PPP2R3A: variants seen among roughly 807,000 people sequenced by gnomAD.
The protein encoded by PPP2R3A is serine/threonine-protein phosphatase 2A regulatory subunit B'' subunit alpha.
Under a neutral mutation model 106.9 loss-of-function variants are expected in PPP2R3A, and 80 were observed. The observed-to-expected ratio is 0.75, with a 90% CI of 0.62 to 0.90. The LOEUF (loss-of-function observed/expected upper bound fraction) is 0.90. PPP2R3A is among the 40% of genes least tolerant of loss of function. The pLI is 0.00. For synonymous variants in PPP2R3A, 483 were observed against 468.3 expected, an observed-to-expected ratio of 1.03 and a Z score of -0.41; for missense variants, 1,386 against 1,350.4, an observed-to-expected ratio of 1.03 and a Z score of -0.41.
chr3:136,083,467 G>A (rs1040215817), intron 8 of PPP2R3A, among the ~76,000 whole-genome samples: 1 of 152,116 alleles, frequency 6.6e-6, no homozygotes, highest in Non-Finnish European at 1.5e-5. Flanking sequence ...TGATTGTGAG[G>A]CCTTCTCAGC....
At chr3:135,972,153 C>T (rs1225708966) in intron 1 of PPP2R3A, among the ~76,000 whole-genome samples, 4 of 152,184 alleles carry the variant, frequency 2.6e-5, no homozygotes, top group African/African-American at 4.8e-5. Context: ...TACCGTCTGG[C>T]ACCCGCCAAT....
At chr3:135,966,686 AATT>A (rs2107739283) in intron 1 of PPP2R3A, among the ~76,000 whole-genome samples, 1 of 152,196 alleles carries the variant, frequency 6.6e-6, no homozygotes, top group East Asian at 1.9e-4. Flanking sequence ...GGGGAAGACA[AATT>A]ATTGTTTGTA....
chr3:136,051,435 T>C (rs1935683758), intron 5 of PPP2R3A, among the ~76,000 whole-genome samples: 1 of 152,202 alleles, frequency 6.6e-6, no homozygotes, highest in African/African-American at 2.4e-5. Flanking sequence ...GTTCAATTGA[T>C]TGTCCTGCCT....
chr3:136,027,699 C>G (rs756725402), intron 3 of PPP2R3A, among the ~76,000 whole-genome samples: 1 of 152,164 alleles, frequency 6.6e-6, no homozygotes, highest in Non-Finnish European at 1.5e-5. Flanking sequence ...ATGCCATTTC[C>G]CAATTTAGCA....
At chr3:135,971,186 C>T (rs541566301) in intron 1 of PPP2R3A, among the ~76,000 whole-genome samples, 1 of 152,126 alleles carries the variant, frequency 6.6e-6, no homozygotes, top group Non-Finnish European at 1.5e-5. Context: ...CATGTAAAAA[C>T]TCTCATACTT....
At chr3:136,134,148 C>G (rs1025192433) in intron 13 of PPP2R3A, among the ~76,000 whole-genome samples, 1 of 152,140 alleles carries the variant, frequency 6.6e-6, no homozygotes, top group Non-Finnish European at 1.5e-5. Context: ...CAGACAGATG[C>G]AGTTAAAATA....
At chr3:136,124,740 A>G (rs1268561226) in intron 13 of PPP2R3A, among the ~76,000 whole-genome samples, 1 of 152,058 alleles carries the variant, frequency 6.6e-6, no homozygotes, top group East Asian at 1.9e-4. Context: ...AGATTTTTTT[A>G]AAAGATAAAG....
intron 5 of PPP2R3A, chr3:136,055,213 TA>T: frequency 1.3e-6 from 1 of 761,188 alleles, no homozygotes; most frequent in Non-Finnish European, 2.2e-6. Flanking sequence ...AAGATAAAAT[TA>T]AAAAGCCAGA....
At chr3:136,038,386 C>T (rs1031021715) in intron 3 of PPP2R3A, among the ~76,000 whole-genome samples, 6 of 152,120 alleles carry the variant, frequency 3.9e-5, no homozygotes, top group Admixed American at 1.3e-4. Flanking sequence ...ACTTAATCCT[C>T]CTTATGAGCT....
intron 13 of PPP2R3A, among the ~76,000 whole-genome samples, chr3:136,143,645 C>T (rs1287012100): frequency 1.3e-5 from 2 of 151,524 alleles, no homozygotes; most frequent in Non-Finnish European, 2.9e-5. Flanking sequence ...CAAAAATTAC[C>T]CGGGCATGGT....
At chr3:136,064,201 G>A (rs1222404943) in intron 5 of PPP2R3A, among the ~76,000 whole-genome samples, 1 of 148,048 alleles carries the variant, frequency 6.8e-6, no homozygotes, top group Non-Finnish European at 1.5e-5. Context: ...CTCACTCATA[G>A]GTGGGAATTG....
At chr3:136,079,128 T>G (rs778185615) in intron 7 of PPP2R3A, 14 of 448,836 alleles carry the variant, frequency 3.1e-5, no homozygotes, top group South Asian at 2.2e-4. Flanking sequence ...TCTTTATTTT[T>G]TCCTATCTTC....
intron 3 of PPP2R3A, among the ~76,000 whole-genome samples, chr3:136,038,040 C>T (rs1935146542): frequency 6.6e-6 from 1 of 151,972 alleles, no homozygotes; most frequent in Non-Finnish European, 1.5e-5. Flanking sequence ...TATTTTCTTG[C>T]CTTCAGATTA....
intron 13 of PPP2R3A, among the ~76,000 whole-genome samples, chr3:136,128,356 G>T (rs978299406): frequency 2.7e-5 from 4 of 149,894 alleles, no homozygotes; most frequent in Non-Finnish European, 5.9e-5. Context: ...AAAAAAAAAG[G>T]AGGGGTTGCA....
intron 1 of PPP2R3A, among the ~76,000 whole-genome samples, chr3:135,997,587 A>C (rs1933451365): frequency 6.6e-6 from 1 of 152,102 alleles, no homozygotes; most frequent in African/African-American, 2.4e-5. Context: ...TTCAGTCATC[A>C]CCACTTAGAT....
chr3:136,084,930 T>C (rs1936883623), intron 8 of PPP2R3A, among the ~76,000 whole-genome samples: 1 of 152,236 alleles, frequency 6.6e-6, no homozygotes, highest in Admixed American at 6.5e-5. Context: ...GTAACTAACT[T>C]GCTTTTGATT....
chr3:135,997,724 G>A (rs1296912273), intron 1 of PPP2R3A, among the ~76,000 whole-genome samples: 1 of 152,192 alleles, frequency 6.6e-6, no homozygotes, highest in African/African-American at 2.4e-5. Flanking sequence ...CAGTACTTAA[G>A]CCAGAAATCC....
chr3:135,998,980 A>G (rs899920685), intron 1 of PPP2R3A, among the ~76,000 whole-genome samples: 1 of 152,150 alleles, frequency 6.6e-6, no homozygotes, highest in East Asian at 1.9e-4. Context: ...AAGAACATTT[A>G]TTAATTGGGG....
intron 10 of PPP2R3A, among the ~76,000 whole-genome samples, chr3:136,093,675 A>G (rs903881671): frequency 6.6e-6 from 1 of 152,218 alleles, no homozygotes; most frequent in Non-Finnish European, 1.5e-5. Flanking sequence ...TAGTCATCAG[A>G]GAAGTGCAAA....
Sources: gnomAD v4.1 joint callset for allele counts (sites outside exome capture counted in the v4.1 genomes callset) on GRCh38, gnomAD v4.1.1 for gene constraint, MANE v1.5 for transcripts, NCBI Gene and HGNC (gene_info 2026-07-23, HGNC 2026-07-21) for gene names.